LPAR3: variants seen among roughly 807,000 people sequenced by gnomAD.
LPAR3 encodes lysophosphatidic acid receptor 3, also known as LPA receptor 3.
LPAR3 carries 7 observed loss-of-function variants against 17.8 expected under a neutral mutation model. The ratio of observed to expected loss-of-function variants is 0.39; its 90% confidence interval spans 0.22 to 0.74. The LOEUF is 0.74. Ranked by LOEUF, LPAR3 falls within the 30% of genes least tolerant of loss-of-function variation. The probability of loss-of-function intolerance (pLI) is 0.40; values close to 1 mark genes in which losing one functional copy is unlikely to be tolerated. For missense variants in LPAR3, 391 were observed against 453.4 expected, an observed-to-expected ratio of 0.86 and a Z score of 1.25; for synonymous variants, 179 against 179.9, an observed-to-expected ratio of 0.99 and a Z score of 0.04.
intron 1 of LPAR3, among the ~76,000 whole-genome samples, chr1:84,890,767 T>C (rs769885810): frequency 1.3e-5 from 2 of 152,182 alleles, no homozygotes; most frequent in African/African-American, 4.8e-5. Flanking sequence ...CCATTTCAGT[T>C]ATAGTGATTC....
rs1206363505 is a variant in LPAR3, at chr1:84,866,136, A to T, written c.-16T>A. The T allele has an allele frequency of 1.9e-6, 3 of 1,550,126 alleles. No individual in the cohort carries two copies. The highest frequency in any genetic ancestry group is 1.7e-6 in the Non-Finnish European group (2 of 1,151,866). ...ACTCATTCATTGTGGAGAAGTGAAC[A>T]TCCTAGAAAGAAATTTAAAGAAGAA... On this transcript the variant is annotated splice_region_variant and 5_prime_UTR_variant, in exon 2 of 3. The change abolishes an upstream ATG in the 5' untranslated region. Transcript: ENST00000370611.
intron 2 of LPAR3, among the ~76,000 whole-genome samples, chr1:84,856,231 A>AG (rs1659820094): frequency 6.6e-6 from 1 of 151,992 alleles, no homozygotes; most frequent in Admixed American, 6.5e-5. Context: ...AAAAGTACGA[A>AG]CACCCCCGGA....
At chr1:84,850,876 G>A (rs997049779) in intron 2 of LPAR3, among the ~76,000 whole-genome samples, 10 of 152,214 alleles carry the variant, frequency 6.6e-5, no homozygotes, top group African/African-American at 1.9e-4. Flanking sequence ...TTGTAGTTAC[G>A]ATCAGCACAA....
chr1:84,879,329 T>TTTTTTTTTTTTA (rs1660320027), intron 1 of LPAR3, among the ~76,000 whole-genome samples: 2 of 149,148 alleles, frequency 1.3e-5, no homozygotes, highest in African/African-American at 5.0e-5. Flanking sequence ...TTTTTTTTTT[T>TTTTTTTTTTTTA]GAGATGGAAT....
chr1:84,865,593 G>T lies in LPAR3; in HGVS notation c.528C>A (p.Cys176Ter), dbSNP rs781296078. 6.2e-7 allele frequency: 1 copy of T among 1,614,114 alleles called. No individual in the cohort carries two copies. The highest frequency in any genetic ancestry group is 1.7e-5 in the Admixed American group (1 of 60,010). Residue 176 changes from cysteine to a stop codon, truncating the protein, a stop_gained, in exon 2 of 3, where the codon TGC (cysteine) becomes TGA (stop). Coordinates refer to ENST00000370611, the MANE Select transcript of LPAR3 (RefSeq NM_012152.3). LOFTEE classifies it high-confidence loss of function. ...TGCTGTAAATGGGGGCCAGGGAAGA[G>T]CAGGCAGAGATGTTGCAGAGGCAAT... ...GWNCLCNISA[C>*]SSLAPIYSRS...
At chr1:84,854,157 AT>A (rs1196902992) in intron 2 of LPAR3, among the ~76,000 whole-genome samples, 1 of 152,072 alleles carries the variant, frequency 6.6e-6, no homozygotes, top group Non-Finnish European at 1.5e-5. Context: ...CAAACTCCTT[AT>A]TCCAGAAATC....
At chr1:84,862,219 A>G (rs1659953391) in intron 2 of LPAR3, among the ~76,000 whole-genome samples, 2 of 152,202 alleles carry the variant, frequency 1.3e-5, no homozygotes, top group South Asian at 4.1e-4. Context: ...AAAAACATCA[A>G]TATCTTCTCC....
chr1:84,870,736 C>A (rs1319961135), intron 1 of LPAR3, among the ~76,000 whole-genome samples: 1 of 152,178 alleles, frequency 6.6e-6, no homozygotes, highest in Non-Finnish European at 1.5e-5. Flanking sequence ...AGCACCCTTG[C>A]CTAAGGTTAC....
intron 2 of LPAR3, among the ~76,000 whole-genome samples, chr1:84,838,910 T>A (rs188906533): frequency 5.3e-5 from 8 of 152,330 alleles, no homozygotes; most frequent in Admixed American, 1.3e-4. Flanking sequence ...CCATCTTTCA[T>A]TTCCGGGCTT....
chr1:84,848,090 G>C (rs544857794), intron 2 of LPAR3, among the ~76,000 whole-genome samples: 3 of 152,188 alleles, frequency 2.0e-5, no homozygotes, highest in Non-Finnish European at 4.4e-5. Context: ...AGTCTGCCCA[G>C]ATCTAGCCAG....
At chr1:84,852,903 A>G (rs1659747209) in intron 2 of LPAR3, among the ~76,000 whole-genome samples, 1 of 152,174 alleles carries the variant, frequency 6.6e-6, no homozygotes, top group Admixed American at 6.5e-5. Flanking sequence ...GTATTAGAGT[A>G]GTATAGGAAG....
chr1:84,847,275 G>T (rs1259293523), intron 2 of LPAR3, among the ~76,000 whole-genome samples: 1 of 152,142 alleles, frequency 6.6e-6, no homozygotes, highest in Admixed American at 6.5e-5. Context: ...TGTGCCTGGG[G>T]TAAGGGCCTT....
At position 84,814,135 on chromosome 1, in the gene LPAR3, A is replaced by C; in HGVS notation, c.773T>G (p.Val258Gly). The change falls in exon 3 of 3, where the codon GTT (valine) becomes GGT (glycine). Residue 258 changes from valine to glycine, a missense_variant. Physicochemically the swap from Val to Gly is moderately radical, Grantham distance 109. Transcript: ENST00000370611. ...GCAGTTCAGGCCGTCGAGGAGCAGA[A>C]CCACCAGGCCCGGGGTCCAGCATAC... ...FVVCWTPGLV[V>G]LLLDGLNCRQ... 1 of 1,614,068 alleles carries C rather than the reference A, an allele frequency of 6.2e-7. No homozygotes were observed. The highest frequency in any genetic ancestry group is 1.1e-5 in the South Asian group (1 of 91,062).
chr1:84,827,206 T>C (rs1659176000), intron 2 of LPAR3, among the ~76,000 whole-genome samples: 1 of 152,212 alleles, frequency 6.6e-6, no homozygotes, highest in Non-Finnish European at 1.5e-5. Context: ...GTTCTATTAG[T>C]TGTATATTAA....
intron 1 of LPAR3, among the ~76,000 whole-genome samples, chr1:84,883,080 C>G (rs1431971542): frequency 6.6e-6 from 1 of 152,164 alleles, no homozygotes; most frequent in Non-Finnish European, 1.5e-5. Context: ...AGAAATGGAG[C>G]CTCGATTTCC....
chr1:84,842,827 AAGG>A (rs1228622751), intron 2 of LPAR3, among the ~76,000 whole-genome samples: 1 of 152,164 alleles, frequency 6.6e-6, no homozygotes, highest in Non-Finnish European at 1.5e-5. Context: ...TTTTGTTCAC[AAGG>A]AGGTTTTTCT....
chr1:84,880,982 A>G lies in LPAR3; in HGVS notation c.-19+12034T>C, dbSNP rs138822475. Among the ~76,000 whole-genome samples the G allele has an allele frequency of 1.8e-3, 270 of 152,274 alleles. 1 individual carries two copies. Among genetic ancestry groups the G allele is most frequent in the African/African-American group, 6.2e-3 (259 of 41,564 alleles). On this transcript the variant is annotated intron_variant, in intron 1 of 2. Coordinates refer to ENST00000370611, the MANE Select transcript of LPAR3 (RefSeq NM_012152.3). ...AATTCCTGCCCAGCAGGGTTTCGTC[A>G]TTTTTAGGCCCCTGTTACTTGTCTT... is the stretch of plus-strand genomic sequence containing the variant.
intron 2 of LPAR3, among the ~76,000 whole-genome samples, chr1:84,826,349 T>C (rs80170482): frequency 0.085 from 12,928 of 152,036 alleles, 851 homozygotes; most frequent in East Asian, 0.21. Context: ...ACAAATACTC[T>C]GGGAATACTA....
intron 2 of LPAR3, among the ~76,000 whole-genome samples, chr1:84,833,934 C>T (rs1473435371): frequency 6.6e-6 from 1 of 152,134 alleles, no homozygotes; most frequent in Non-Finnish European, 1.5e-5. Flanking sequence ...TGCTTAGACA[C>T]GAGAGCTAAG....
Sources: allele counts gnomAD v4.1 joint callset (sites outside exome capture counted in the v4.1 genomes callset), GRCh38; gene constraint gnomAD v4.1.1; transcripts MANE v1.5; gene names NCBI Gene and HGNC (gene_info 2026-07-23, HGNC 2026-07-21).